Variants in KAT2B observed in about 807,000 individuals in gnomAD.
KAT2B encodes the protein histone acetyltransferase KAT2B.
A neutral mutation model predicts 105.9 loss-of-function variants in KAT2B; 36 were observed. The observed-to-expected ratio is 0.34, with a 90% CI of 0.26 to 0.45. The LOEUF (loss-of-function observed/expected upper bound fraction) is 0.45, where lower values mean the gene tolerates loss of function less well. Ranked by LOEUF, KAT2B falls within the 20% of genes least tolerant of loss-of-function variation. The pLI is 1.00. For missense variants in KAT2B, 820 were observed against 1,021.6 expected (o/e 0.80, Z 2.69); for synonymous variants, 397 against 377.9 (o/e 1.05, Z -0.59).
intron 12 of KAT2B, among the ~76,000 whole-genome samples, chr3:20,138,340 T>G (rs1260204249): frequency 6.6e-6 from 1 of 152,060 alleles, no homozygotes. Flanking sequence ...TATAATAATT[T>G]TGGTGGTTTC....
intron 1 of KAT2B, among the ~76,000 whole-genome samples, chr3:20,065,709 A>G (rs1698210820): frequency 6.6e-6 from 1 of 152,128 alleles, no homozygotes; most frequent in Non-Finnish European, 1.5e-5. Flanking sequence ...ATATCCTGCA[A>G]AAAATACTGA....
intron 5 of KAT2B, among the ~76,000 whole-genome samples, chr3:20,105,137 C>T (rs932401946): frequency 3.3e-5 from 5 of 152,132 alleles, no homozygotes; most frequent in South Asian, 4.1e-4. Flanking sequence ...CTGCCTACCT[C>T]GTCCTCCTAA....
At chr3:20,113,151 T>C (rs2125167193) in intron 6 of KAT2B, among the ~76,000 whole-genome samples, 1 of 152,356 alleles carries the variant, frequency 6.6e-6, no homozygotes, top group African/African-American at 2.4e-5. Context: ...GTTTGGATGT[T>C]GCTCCCAAAA....
intron 1 of KAT2B, among the ~76,000 whole-genome samples, chr3:20,063,292 C>T (rs1172260192): frequency 1.3e-5 from 2 of 151,236 alleles, no homozygotes; most frequent in Non-Finnish European, 2.9e-5. Context: ...GTCTTGAACT[C>T]CTGACCTTCC....
intron 2 of KAT2B, among the ~76,000 whole-genome samples, chr3:20,079,869 T>A (rs559520739): frequency 2.0e-5 from 3 of 152,146 alleles, no homozygotes; most frequent in African/African-American, 7.2e-5. Context: ...GTTTCAGAGT[T>A]TTCAGGAGCT....
At chr3:20,122,905 G>C (rs1029318612) in intron 9 of KAT2B, 101 bp downstream of exon 9, 46 of 1,470,596 alleles carry the variant, frequency 3.1e-5, no homozygotes, top group Non-Finnish European at 3.8e-5. Context: ...GAGTTAACAT[G>C]TTATGCTACC....
chr3:20,060,802 A>C (rs561284642), intron 1 of KAT2B, among the ~76,000 whole-genome samples: 1 of 152,164 alleles, frequency 6.6e-6, no homozygotes, highest in South Asian at 2.1e-4. Context: ...TAAATTATCC[A>C]GGTGTAGAGG....
At chr3:20,148,215 G>GCTC in intron 15 of KAT2B, 28 bp from the exon 16 acceptor site, 1 of 1,593,644 alleles carries the variant, frequency 6.3e-7, no homozygotes, top group Non-Finnish European at 8.6e-7. Flanking sequence ...TCTAATCATT[G>GCTC]CTCCTTGTTT....
chr3:20,094,454 A>G (rs1302537584), intron 2 of KAT2B, among the ~76,000 whole-genome samples: 4 of 152,198 alleles, frequency 2.6e-5, no homozygotes, highest in Non-Finnish European at 5.9e-5. Context: ...AAACCATATC[A>G]GAGCCTTAGT....
At position 20,078,943 on chromosome 3, in the gene KAT2B, C is replaced by G. The variant is rs572225479; in HGVS notation, c.430+6484C>G. 2.8e-3 allele frequency among the ~76,000 whole-genome samples: 420 copies of G among 148,946 alleles called. 7 individuals are homozygous for G. The highest frequency in any genetic ancestry group is 3.8e-3 in the Non-Finnish European group (259 of 67,344). On this transcript the variant is annotated intron_variant, in intron 2 of 17. Transcript: ENST00000263754. ...AGGATGGAGTGCAGTGGCGCGATCT[C>G]CACGATCTCAGCTCACTGCAACTTC...
intron 1 of KAT2B, among the ~76,000 whole-genome samples, chr3:20,064,130 A>T (rs1698186020): frequency 6.6e-6 from 1 of 152,224 alleles, no homozygotes; most frequent in Non-Finnish European, 1.5e-5. Flanking sequence ...CATCCCACAA[A>T]CACTGTATGA....
intron 1 of KAT2B, among the ~76,000 whole-genome samples, chr3:20,061,789 A>AATATATT (rs1160873672): frequency 7.4e-6 from 1 of 134,734 alleles, no homozygotes; most frequent in Admixed American, 8.2e-5. Context: ...TAATACATAA[A>AATATATT]ATATATTATA....
At chr3:20,068,780 G>A (rs570616164) in intron 1 of KAT2B, among the ~76,000 whole-genome samples, 3 of 152,212 alleles carry the variant, frequency 2.0e-5, no homozygotes, top group African/African-American at 7.2e-5. Context: ...GGTGTTTTTG[G>A]TTATTACTGT....
intron 5 of KAT2B, among the ~76,000 whole-genome samples, chr3:20,110,718 T>G (rs1003188507): frequency 1.3e-5 from 2 of 151,696 alleles, no homozygotes; most frequent in Non-Finnish European, 2.9e-5. Flanking sequence ...AAAAGAGGTT[T>G]ATTTTTGAAT....
intron 7 of KAT2B, among the ~76,000 whole-genome samples, chr3:20,116,326 C>A (rs973545878): frequency 6.6e-6 from 1 of 152,158 alleles, no homozygotes. Context: ...GCAAACTCTT[C>A]CCTAAGTTCT....
intron 1 of KAT2B, among the ~76,000 whole-genome samples, chr3:20,053,722 G>A (rs935760742): frequency 2.0e-5 from 3 of 152,124 alleles, no homozygotes; most frequent in Non-Finnish European, 4.4e-5. Flanking sequence ...TTGTTACTTT[G>A]TGGCCCACTT....
At chr3:20,075,482 C>G (rs4858755) in intron 2 of KAT2B, among the ~76,000 whole-genome samples, 26,662 of 151,746 alleles carry the variant, frequency 0.18, 3,072 homozygotes, top group Non-Finnish European at 0.26. Context: ...GGGCACAGTC[C>G]CACAATAGTG....
chr3:20,115,040 G>A (rs1055195451), intron 7 of KAT2B, 52 bp downstream of exon 7: 1 of 1,125,706 alleles, frequency 8.9e-7, no homozygotes. Flanking sequence ...CCAACCTGAA[G>A]TGTAAGTTGC....
chr3:20,099,762 A>T, intron 3 of KAT2B, 100 bp from the exon 4 acceptor site: 8 of 580,620 alleles, frequency 1.4e-5, no homozygotes, highest in Non-Finnish European at 2.2e-5. Flanking sequence ...TGTGTGTAAG[A>T]GAGAGAGAGA....
Sources: allele counts gnomAD v4.1 joint callset (sites outside exome capture counted in the v4.1 genomes callset), GRCh38; gene constraint gnomAD v4.1.1; transcripts MANE v1.5; gene names NCBI Gene and HGNC (gene_info 2026-07-23, HGNC 2026-07-21).